PDGFD: variants seen among roughly 807,000 people sequenced by gnomAD.
PDGFD encodes the protein platelet-derived growth factor D.
A neutral mutation model predicts 44.7 loss-of-function variants in PDGFD; 30 were observed. That is an observed-to-expected ratio of 0.67 (90% confidence interval 0.50 to 0.91). The LOEUF (loss-of-function observed/expected upper bound fraction) is 0.91, where lower values mean the gene tolerates loss of function less well. PDGFD is among the 40% of genes least tolerant of loss of function. The pLI is 0.00. For missense variants in PDGFD, 445 were observed against 457.8 expected, an observed-to-expected ratio of 0.97 and a Z score of 0.25; for synonymous variants, 173 against 168.4, an observed-to-expected ratio of 1.03 and a Z score of -0.21.
At chr11:104,121,815 A>G (rs1323110384) in intron 1 of PDGFD, among the ~76,000 whole-genome samples, 1 of 152,062 alleles carries the variant, frequency 6.6e-6, no homozygotes, top group Admixed American at 6.6e-5. Context: ...TTTCAAACTT[A>G]TTTTGAGCTC....
intron 1 of PDGFD, among the ~76,000 whole-genome samples, chr11:104,083,590 C>A (rs992680340): frequency 6.6e-6 from 1 of 152,036 alleles, no homozygotes; most frequent in Admixed American, 6.6e-5. Context: ...ACTTTTAAAA[C>A]GACCAACAAA....
chr11:103,947,809 AT>A, intron 3 of PDGFD, 85 bp from the exon 4 acceptor site: 1 of 1,018,824 alleles, frequency 9.8e-7, no homozygotes, highest in African/African-American at 1.6e-5. Context: ...AGCCTTCTGA[AT>A]CTTTTTCCAA....
chr11:104,029,352 T>C (rs988938782), intron 1 of PDGFD, among the ~76,000 whole-genome samples: 1 of 152,232 alleles, frequency 6.6e-6, no homozygotes, highest in African/African-American at 2.4e-5. Flanking sequence ...GATCAGTCTT[T>C]GTTTTTCATT....
intron 1 of PDGFD, among the ~76,000 whole-genome samples, chr11:104,138,645 T>C (rs1532674): frequency 0.13 from 19,817 of 152,208 alleles, 1,429 homozygotes; most frequent in East Asian, 0.29. Flanking sequence ...TTAATAAACA[T>C]GATATGGTTT....
At chr11:104,090,419 A>C (rs1191276466) in intron 1 of PDGFD, among the ~76,000 whole-genome samples, 1 of 151,860 alleles carries the variant, frequency 6.6e-6, no homozygotes, top group Non-Finnish European at 1.5e-5. Flanking sequence ...CAGGAGTTCA[A>C]GACCAGCCTG....
chr11:104,051,831 A>C (rs1350380887), intron 1 of PDGFD, among the ~76,000 whole-genome samples: 1 of 152,208 alleles, frequency 6.6e-6, no homozygotes, highest in East Asian at 1.9e-4. Flanking sequence ...AAAATAAAAA[A>C]AAATTATGGT....
At chr11:103,951,025 C>A (rs1858748413) in intron 3 of PDGFD, among the ~76,000 whole-genome samples, 1 of 152,146 alleles carries the variant, frequency 6.6e-6, no homozygotes, top group African/African-American at 2.4e-5. Flanking sequence ...CTTTTAGCTT[C>A]TTCACTGTCT....
At chr11:103,954,720 TAAAG>T (rs1191868404) in intron 3 of PDGFD, among the ~76,000 whole-genome samples, 3 of 151,990 alleles carry the variant, frequency 2.0e-5, no homozygotes, top group Admixed American at 6.6e-5. Flanking sequence ...AGGCAGAAAA[TAAAG>T]AAATCCCTCT....
chr11:104,142,624 AATTC>A (rs1862102362), intron 1 of PDGFD, among the ~76,000 whole-genome samples: 1 of 152,142 alleles, frequency 6.6e-6, no homozygotes, highest in African/African-American at 2.4e-5. Context: ...TAAGTTTCCA[AATTC>A]TTGATTTGGC....
chr11:104,046,870 T>C (rs1860449886), intron 1 of PDGFD, among the ~76,000 whole-genome samples: 1 of 146,614 alleles, frequency 6.8e-6, no homozygotes, highest in African/African-American at 2.5e-5. Context: ...TAGGTATTTA[T>C]CCTAATGCTA....
At chr11:104,145,939 C>T (rs1022457546) in intron 1 of PDGFD, among the ~76,000 whole-genome samples, 1 of 152,120 alleles carries the variant, frequency 6.6e-6, no homozygotes. Context: ...AGTAAGATGG[C>T]GACCATCTAT....
intron 3 of PDGFD, among the ~76,000 whole-genome samples, chr11:103,977,474 C>G (rs940443292): frequency 2.0e-5 from 3 of 152,072 alleles, no homozygotes; most frequent in Non-Finnish European, 2.9e-5. Context: ...TCCAGCAGTA[C>G]GTCAAAAAGC....
intron 1 of PDGFD, among the ~76,000 whole-genome samples, chr11:104,067,407 A>G (rs921067481): frequency 1.3e-5 from 2 of 152,214 alleles, no homozygotes; most frequent in African/African-American, 4.8e-5. Flanking sequence ...AATAGAAGTG[A>G]GCAATTTTTC....
chr11:104,138,281 A>C (rs1862039086), intron 1 of PDGFD, among the ~76,000 whole-genome samples: 1 of 152,206 alleles, frequency 6.6e-6, no homozygotes. Flanking sequence ...TACATTAAAA[A>C]ACTCACTTTT....
chr11:104,025,585 G>A (rs752862841), intron 1 of PDGFD, among the ~76,000 whole-genome samples: 1 of 152,168 alleles, frequency 6.6e-6, no homozygotes, highest in Non-Finnish European at 1.5e-5. Context: ...GATAAACTGA[G>A]ACCAGAATAA....
At position 104,123,830 on chromosome 11, in the gene PDGFD, G is replaced by T. The variant is rs577292932; in HGVS notation, c.124+39974C>A. Among the ~76,000 whole-genome samples, 4 of 151,882 alleles carry T rather than the reference G, an allele frequency of 2.6e-5. No homozygotes were observed. The South Asian group carries it at 8.3e-4, about 31-fold the overall frequency. On this transcript the variant is annotated intron_variant, in intron 1 of 6. Transcript: ENST00000393158. The stretch of plus-strand genomic sequence containing the variant: ...TCTTTTTTCTGTTTTAGTATCTGTT[G>T]TAGTCATTGGGTGCTGACTCTAGCT...
At chr11:104,003,991 C>T (rs1237077796) in intron 1 of PDGFD, among the ~76,000 whole-genome samples, 1 of 152,124 alleles carries the variant, frequency 6.6e-6, no homozygotes, top group Non-Finnish European at 1.5e-5. Context: ...AAAACAAGAC[C>T]AGGGGACAAT....
intron 6 of PDGFD, among the ~76,000 whole-genome samples, chr11:103,912,321 T>C (rs1039110051): frequency 6.6e-6 from 1 of 152,154 alleles, no homozygotes; most frequent in African/African-American, 2.4e-5. Context: ...TGAGGGCCAA[T>C]ATTCCACATT....
intron 3 of PDGFD, among the ~76,000 whole-genome samples, chr11:103,984,486 A>G (rs559571859): frequency 6.6e-6 from 1 of 151,774 alleles, no homozygotes; most frequent in African/African-American, 2.4e-5. Context: ...GGGTGATTAA[A>G]TAATCTGTAC....
Sources: gnomAD v4.1 joint callset for allele counts (sites outside exome capture counted in the v4.1 genomes callset) on GRCh38, gnomAD v4.1.1 for gene constraint, MANE v1.5 for transcripts, NCBI Gene and HGNC (gene_info 2026-07-23, HGNC 2026-07-21) for gene names.